Variants in DIAPH3 observed in about 807,000 individuals in gnomAD.
The protein encoded by DIAPH3 is protein diaphanous homolog 3.
A neutral mutation model predicts 144.3 loss-of-function variants in DIAPH3; 117 were observed. That is an observed-to-expected ratio of 0.81 (90% confidence interval 0.70 to 0.95). DIAPH3 has a LOEUF of 0.95. DIAPH3 is among the 40% of genes least tolerant of loss of function. DIAPH3 has a pLI of 0.00. For missense variants in DIAPH3, 1,421 were observed against 1,412.7 expected, an observed-to-expected ratio of 1.01 and a Z score of -0.09; for synonymous variants, 519 against 488.9, an observed-to-expected ratio of 1.06 and a Z score of -0.81.
At chr13:59,709,384 A>C (rs1229830090) in intron 27 of DIAPH3, among the ~76,000 whole-genome samples, 2 of 152,202 alleles carry the variant, frequency 1.3e-5, no homozygotes, top group Non-Finnish European at 1.5e-5. Flanking sequence ...CAATGAACTC[A>C]AACAAATTTA....
At position 60,093,613 on chromosome 13, in the gene DIAPH3, G is replaced by T; in HGVS notation, c.495+15C>A. ...CATGTTCGGCAGTATTTTTCAACTT[G>T]ACAGTTTTACTTACTGTCTTAGAAG... is the stretch of plus-strand genomic sequence containing the variant. On this transcript the variant is annotated intron_variant, in intron 4 of 27. Coordinates refer to ENST00000400324, the MANE Select transcript of DIAPH3 (RefSeq NM_001042517.2). The T allele has an allele frequency of 1.3e-6, 2 of 1,524,260 alleles. No homozygotes were observed. The highest frequency in any genetic ancestry group is 1.1e-5 in the South Asian group (1 of 89,058). The allele number at this position is 1,524,260 out of a possible 1,614,324, so 94.4% of individuals were successfully genotyped here.
chr13:60,113,995 T>C (rs1318653703), intron 2 of DIAPH3, among the ~76,000 whole-genome samples: 1 of 152,168 alleles, frequency 6.6e-6, no homozygotes, highest in Admixed American at 6.5e-5. Flanking sequence ...TGCAAACAAC[T>C]GCCCTCCAAA....
chr13:60,108,864 G>A (rs1214749773), intron 3 of DIAPH3, among the ~76,000 whole-genome samples: 1 of 152,074 alleles, frequency 6.6e-6, no homozygotes, highest in East Asian at 1.9e-4. Context: ...GAGTGAAGCA[G>A]AAATTTTGGT....
At chr13:59,820,440 G>A (rs997170329) in intron 24 of DIAPH3, among the ~76,000 whole-genome samples, 1 of 151,700 alleles carries the variant, frequency 6.6e-6, no homozygotes, top group Non-Finnish European at 1.5e-5. Flanking sequence ...TAAATCTAAT[G>A]TTCATTATGA....
intron 17 of DIAPH3, among the ~76,000 whole-genome samples, chr13:59,928,338 C>T (rs2047855411): frequency 6.6e-6 from 1 of 151,764 alleles, no homozygotes; most frequent in Admixed American, 6.6e-5. Flanking sequence ...CACTGAGTTT[C>T]CTTACAATCA....
intron 24 of DIAPH3, among the ~76,000 whole-genome samples, chr13:59,831,668 T>C (rs1001508995): frequency 2.0e-5 from 3 of 151,766 alleles, no homozygotes; most frequent in African/African-American, 7.3e-5. Context: ...ATAAATCACA[T>C]CATTAGCATA....
Position 59,735,544 on chromosome 13 carries a change from A to G in DIAPH3, c.3319+38645T>C, listed in dbSNP as rs543896859. On this transcript the variant is annotated intron_variant, in intron 27 of 27. Transcript: ENST00000400324. ...CAAAACAAAGGCAATTCAAAAGACC[A>G]TAAGGCATTTATATGAGAGGGAGAA... Among the ~76,000 whole-genome samples, 25 of 152,352 alleles carry G rather than the reference A, an allele frequency of 1.6e-4. 1 individual carries two copies. Among genetic ancestry groups the G allele is most frequent in the African/African-American group, 6.0e-4 (25 of 41,586 alleles).
intron 1 of DIAPH3, among the ~76,000 whole-genome samples, chr13:60,136,878 T>C (rs1399401537): frequency 6.6e-6 from 1 of 151,910 alleles, no homozygotes; most frequent in African/African-American, 2.4e-5. Context: ...AGGCGGAGCT[T>C]GCAGTGAGCC....
chr13:59,723,406 A>G (rs1220106195), intron 27 of DIAPH3, among the ~76,000 whole-genome samples: 1 of 152,070 alleles, frequency 6.6e-6, no homozygotes, highest in Admixed American at 6.5e-5. Flanking sequence ...CCAACTTTCC[A>G]TAAGATGTTA....
chr13:59,809,922 T>C (rs1186967539), intron 25 of DIAPH3, among the ~76,000 whole-genome samples: 1 of 152,152 alleles, frequency 6.6e-6, no homozygotes, highest in Non-Finnish European at 1.5e-5. Flanking sequence ...TGTTCAATCC[T>C]TACTGACTTG....
At chr13:60,075,775 C>T (rs765836771) in intron 4 of DIAPH3, among the ~76,000 whole-genome samples, 1 of 152,114 alleles carries the variant, frequency 6.6e-6, no homozygotes. Flanking sequence ...GGGCTGGAGA[C>T]AGTGGGGAGG....
At chr13:59,832,703 T>C (rs1472952530) in intron 24 of DIAPH3, among the ~76,000 whole-genome samples, 5 of 151,786 alleles carry the variant, frequency 3.3e-5, no homozygotes, top group Non-Finnish European at 7.4e-5. Flanking sequence ...TGTAGCTTAT[T>C]GTACAATGCA....
intron 20 of DIAPH3, among the ~76,000 whole-genome samples, chr13:59,896,860 A>T (rs1034184593): frequency 6.6e-6 from 1 of 152,122 alleles, no homozygotes; most frequent in African/African-American, 2.4e-5. Flanking sequence ...AAAATAAATA[A>T]CCCAGCACTG....
intron 15 of DIAPH3, among the ~76,000 whole-genome samples, 155 bp from the exon 16 acceptor site, chr13:59,971,315 T>A (rs1479063069): frequency 6.6e-6 from 1 of 152,142 alleles, no homozygotes; most frequent in Non-Finnish European, 1.5e-5. Context: ...TTCCAACAAT[T>A]TTTCTTCTAA....
chr13:60,065,042 C>G (rs1440182774), intron 4 of DIAPH3, among the ~76,000 whole-genome samples: 4 of 152,042 alleles, frequency 2.6e-5, no homozygotes, highest in Non-Finnish European at 5.9e-5. Context: ...TGGTTTGTGG[C>G]ACCTTAAAAC....
chr13:60,052,590 A>G (rs1447122061), intron 4 of DIAPH3, among the ~76,000 whole-genome samples: 1 of 152,212 alleles, frequency 6.6e-6, no homozygotes, highest in East Asian at 1.9e-4. Context: ...AATACACCCT[A>G]CAGGGCAGTG....
chr13:59,804,111 T>A (rs1384023841), intron 25 of DIAPH3, among the ~76,000 whole-genome samples: 1 of 152,176 alleles, frequency 6.6e-6, no homozygotes, highest in African/African-American at 2.4e-5. Context: ...AAAGTTGACC[T>A]CTGGCAACTA....
intron 24 of DIAPH3, among the ~76,000 whole-genome samples, chr13:59,819,146 C>T (rs1035154950): frequency 6.6e-6 from 1 of 151,856 alleles, no homozygotes; most frequent in African/African-American, 2.4e-5. Context: ...TCCTCTGGCA[C>T]AGATTTGAAT....
chr13:60,037,034 CTT>C (rs2055280367), intron 5 of DIAPH3, among the ~76,000 whole-genome samples: 2 of 146,680 alleles, frequency 1.4e-5, no homozygotes, highest in Non-Finnish European at 1.5e-5. Context: ...TCTACAACAC[CTT>C]AAGCATAGAT....
Sources: allele counts gnomAD v4.1 joint callset (sites outside exome capture counted in the v4.1 genomes callset), GRCh38; gene constraint gnomAD v4.1.1; transcripts MANE v1.5; gene names NCBI Gene and HGNC (gene_info 2026-07-23, HGNC 2026-07-21).